ADCY5: variants seen among roughly 807,000 people sequenced by gnomAD.
The protein encoded by ADCY5 is adenylate cyclase 5.
In ADCY5, 30 loss-of-function variants were observed where a neutral mutation model predicts 119.7. That is an observed-to-expected ratio of 0.25 (90% CI 0.19 to 0.34). The LOEUF is 0.34. ADCY5 is among the 10% of genes least tolerant of loss of function. The pLI, the probability that ADCY5 is intolerant of heterozygous loss-of-function variation, is 1.00. For missense variants in ADCY5, 1,324 were observed against 1,775.2 expected (o/e 0.75, Z 4.57); for synonymous variants, 753 against 762.2 (o/e 0.99, Z 0.20).
intron 19 of ADCY5, among the ~76,000 whole-genome samples, chr3:123,288,812 CT>C (rs1938949375): frequency 2.6e-5 from 4 of 152,206 alleles, no homozygotes. Context: ...ATGGTCATGA[CT>C]ATTTTGAAAC....
chr3:123,310,258 T>A (rs1316992789), intron 12 of ADCY5, among the ~76,000 whole-genome samples: 1 of 151,408 alleles, frequency 6.6e-6, no homozygotes, highest in Non-Finnish European at 1.5e-5. Flanking sequence ...GGCACCTAGA[T>A]CAGGCGGTGG....
intron 1 of ADCY5, among the ~76,000 whole-genome samples, chr3:123,375,615 T>C (rs1943799492): frequency 6.6e-6 from 1 of 152,100 alleles, no homozygotes; most frequent in Non-Finnish European, 1.5e-5. Context: ...CAGCTAAGAG[T>C]CTGCCCCAAG....
At chr3:123,441,693 C>T (rs1475234790) in intron 1 of ADCY5, among the ~76,000 whole-genome samples, 1 of 152,220 alleles carries the variant, frequency 6.6e-6, no homozygotes, top group Non-Finnish European at 1.5e-5. Context: ...ATCCTCCATT[C>T]TCTCAAATGC....
intron 1 of ADCY5, among the ~76,000 whole-genome samples, chr3:123,441,980 G>GAAAAAAA (rs11382207): frequency 7.2e-6 from 1 of 139,186 alleles, no homozygotes; most frequent in Non-Finnish European, 1.5e-5. Flanking sequence ...CTTAAGGAAG[G>GAAAAAAA]AAAAAAAAAA....
chr3:123,428,167 C>G (rs889583134), intron 1 of ADCY5, among the ~76,000 whole-genome samples: 3 of 152,192 alleles, frequency 2.0e-5, no homozygotes, highest in African/African-American at 7.2e-5. Context: ...CCATAGCACT[C>G]CCGGTCCCTG....
In ADCY5 at chr3:123,434,664, G is replaced by C. The variant is rs148498309; in HGVS notation, c.1134+12748C>G. 3.3e-3 allele frequency among the ~76,000 whole-genome samples: 505 copies of C among 152,288 alleles called. 1 individual carries two copies. The highest frequency in any genetic ancestry group is 0.012 in the African/African-American group (490 of 41,548). ...CTGTCTAGTCCAGGTCTCAACCCTA[G>C]GAGTGCCCAAGCCTCATCCCGAGAG... is the stretch of plus-strand genomic sequence containing the variant. On this transcript the variant is annotated intron_variant, in intron 1 of 20. Coordinates refer to ENST00000462833, the MANE Select transcript of ADCY5 (RefSeq NM_183357.3).
At chr3:123,375,151 C>T (rs1010494820) in intron 1 of ADCY5, among the ~76,000 whole-genome samples, 9 of 152,302 alleles carry the variant, frequency 5.9e-5, no homozygotes, top group South Asian at 2.1e-4. Context: ...ACATCTGTCC[C>T]GAGGAGAAAG....
intron 3 of ADCY5, among the ~76,000 whole-genome samples, chr3:123,341,531 TA>T (rs1013651992): frequency 1.3e-5 from 2 of 150,688 alleles, no homozygotes; most frequent in Admixed American, 1.3e-4. Context: ...CTTGGGAAAA[TA>T]AAAAAAGTTC....
chr3:123,412,143 G>A (rs955275614), intron 1 of ADCY5, among the ~76,000 whole-genome samples: 1 of 152,304 alleles, frequency 6.6e-6, no homozygotes, highest in East Asian at 1.9e-4. Context: ...AGGAGGGAAC[G>A]AAGCTAGACC....
chr3:123,429,650 T>C (rs1559876185), intron 1 of ADCY5, among the ~76,000 whole-genome samples: 1 of 152,040 alleles, frequency 6.6e-6, no homozygotes, highest in Non-Finnish European at 1.5e-5. Flanking sequence ...GAGTGAGGCA[T>C]CTTCCTCTAA....
intron 1 of ADCY5, among the ~76,000 whole-genome samples, chr3:123,395,150 T>C (rs1944506176): frequency 6.6e-6 from 1 of 152,206 alleles, no homozygotes; most frequent in South Asian, 2.1e-4. Context: ...TTCAGGCCAA[T>C]GCCCAGACCC....
Position 123,419,935 on chromosome 3 carries a change from A to C in ADCY5, c.1134+27477T>G, listed in dbSNP as rs1007831587. On this transcript the variant is annotated intron_variant, in intron 1 of 20. Coordinates refer to ENST00000462833, the MANE Select transcript of ADCY5 (RefSeq NM_183357.3). ...GCGCAGTTGTTGTAGACACCCCCCC[A>C]CCCCTCCACCCAGCACAAATGATGA... 4.1e-5 allele frequency among the ~76,000 whole-genome samples: 6 copies of C among 146,780 alleles called. No homozygotes were observed. The East Asian group carries it at 6.1e-4, about 15-fold the overall frequency.
chr3:123,284,450 A>G lies in ADCY5; in HGVS notation c.*158T>C. The G allele has an allele frequency of 8.2e-7, 1 of 1,223,458 alleles. No individual in the cohort carries two copies. The highest frequency in any genetic ancestry group is 1.1e-6 in the Non-Finnish European group (1 of 896,310). The allele number at this position is 1,223,458 out of a possible 1,614,324, so 75.8% of individuals were successfully genotyped here. A position where few individuals can be genotyped will look rare whatever the true frequency, so the allele number is the denominator to read the frequency against. ...GGGCCTGGGACAGAGGCCGCTGCCC[A>G]CCAGCAAAGGCAGAAGCTGCTCTGG... is the stretch of plus-strand genomic sequence containing the variant. On this transcript the variant is annotated 3_prime_UTR_variant, in exon 21 of 21. Transcript: ENST00000462833.
chr3:123,315,404 T>C lies in ADCY5; in HGVS notation c.2355-1082A>G, dbSNP rs569631284. On this transcript the variant is annotated intron_variant, in intron 11 of 20. Coordinates refer to ENST00000462833, the MANE Select transcript of ADCY5 (RefSeq NM_183357.3). Reference sequence around the variant, plus strand: ...GTGGCTAGAGAATGACCTCTGCCAATGTCTAAGCCACTTGGAGCTGTGGCC... The same window carrying C: ...GTGGCTAGAGAATGACCTCTGCCAACGTCTAAGCCACTTGGAGCTGTGGCC... Among the ~76,000 whole-genome samples the C allele has an allele frequency of 2.6e-5, 4 of 152,246 alleles. No homozygotes were observed. The South Asian group carries it at 8.3e-4, about 32-fold the overall frequency.
At chr3:123,289,626 T>G in intron 19 of ADCY5, 124 bp downstream of exon 19, 1 of 1,166,794 alleles carries the variant, frequency 8.6e-7, no homozygotes, top group Non-Finnish European at 1.2e-6. Context: ...CATCAGCCTC[T>G]GCTGCCGCCT....
chr3:123,380,511 T>A (rs549497717), intron 1 of ADCY5, among the ~76,000 whole-genome samples: 54 of 152,328 alleles, frequency 3.5e-4, no homozygotes, highest in African/African-American at 1.0e-3. Flanking sequence ...GAAGTCAGGA[T>A]GCCCGGCAGG....
chr3:123,328,838 T>C, intron 5 of ADCY5, 36 bp from the exon 6 acceptor site: 2 of 1,603,554 alleles, frequency 1.2e-6, no homozygotes, highest in South Asian at 2.2e-5. Flanking sequence ...GGGAGAAGGC[T>C]GGAGGCCAGG....
chr3:123,307,429 C>A (rs1490310324), intron 12 of ADCY5, among the ~76,000 whole-genome samples: 1 of 152,154 alleles, frequency 6.6e-6, no homozygotes, highest in African/African-American at 2.4e-5. Context: ...GCTCTGTAAG[C>A]TGTTAAACGC....
chr3:123,329,142 C>T (rs1176991600), intron 5 of ADCY5, among the ~76,000 whole-genome samples: 1 of 152,168 alleles, frequency 6.6e-6, no homozygotes, highest in Admixed American at 6.5e-5. Context: ...ACGTTAGGGC[C>T]GACTTGAATT....
Sources: allele counts gnomAD v4.1 joint callset (sites outside exome capture counted in the v4.1 genomes callset), GRCh38; gene constraint gnomAD v4.1.1; transcripts MANE v1.5; gene names NCBI Gene and HGNC (gene_info 2026-07-23, HGNC 2026-07-21).